EPGN: variants seen among roughly 807,000 people sequenced by gnomAD.
EPGN encodes the protein epithelial mitogen, also known as epigen.
In EPGN, 21 loss-of-function variants were observed where a neutral mutation model predicts 20.7. That is an observed-to-expected ratio of 1.01 (90% CI 0.72 to 1.46). The LOEUF (loss-of-function observed/expected upper bound fraction) is 1.46. Ranked by LOEUF, EPGN falls within the 40% of genes most tolerant of loss-of-function variation. The pLI, the probability that EPGN is intolerant of heterozygous loss-of-function variation, is 0.00. For synonymous variants in EPGN, 69 were observed against 63.8 expected (o/e 1.08, Z -0.39); for missense variants, 199 against 180.7 (o/e 1.10, Z -0.58).
intron 4 of EPGN, chr4:74,314,148 A>G: frequency 2.2e-6 from 1 of 458,082 alleles, no homozygotes; most frequent in South Asian, 1.5e-5. Context: ...GTAATAAAGT[A>G]AGGAAAGCAG....
chr4:74,313,236 C>T, intron 4 of EPGN, 66 bp downstream of exon 4: 1 of 1,532,460 alleles, frequency 6.5e-7, no homozygotes, highest in East Asian at 2.4e-5. Context: ...TATTCAGGCC[C>T]TATAATGTGT....
At chr4:74,311,466 C>A (rs1560579506) in intron 2 of EPGN, among the ~76,000 whole-genome samples, 1 of 151,600 alleles carries the variant, frequency 6.6e-6, no homozygotes, top group Non-Finnish European at 1.5e-5. Context: ...CTGTTTTTTC[C>A]CTACAAACAA....
chr4:74,312,332 T>G, intron 3 of EPGN, 27 bp downstream of exon 3: 1 of 1,597,616 alleles, frequency 6.3e-7, no homozygotes, highest in Non-Finnish European at 8.5e-7. Flanking sequence ...ATCCAAGTCC[T>G]AGAGACAGGA....
rs766155803 is a variant in EPGN, at chr4:74,312,205, A to G, written c.154A>G (p.Ile52Val). 1.6e-5 allele frequency: 25 copies of G among 1,611,296 alleles called. No individual in the cohort carries two copies. The highest frequency in any genetic ancestry group is 2.0e-5 in the Non-Finnish European group (24 of 1,178,780). ...KTEADNIEGP[I>V]ALKFSHLCLE... ...CCTAGCTGACAACATAGAAGGACCC[A>G]TAGCCTTGAAGTTCTCACACCTTTG... The change falls in exon 3 of 5, where the codon ATA becomes GTA. Residue 52 changes from isoleucine to valine, a missense_variant. Ile to Val is a conservative substitution (Grantham distance 29). Coordinates refer to ENST00000413830, the MANE Select transcript of EPGN (RefSeq NM_001270989.2).
At position 74,313,175 on chromosome 4, in the gene EPGN, GA is replaced by G; in HGVS notation, c.407+10del. 1.2e-6 allele frequency: 2 copies of G among 1,606,340 alleles called. No homozygotes were observed. The highest frequency in any genetic ancestry group is 2.2e-5 in the East Asian group (1 of 44,626). ...TTACTGCTATATAAGAAAGAGGTATGAAAAAGACAAAATATGAAGTCACTTC... is the reference window on the plus strand; with the variant it reads ...TTACTGCTATATAAGAAAGAGGTATGAAAAGACAAAATATGAAGTCACTTC... On this transcript the variant is annotated splice_donor_region_variant and intron_variant, in intron 4 of 4. Transcript: ENST00000413830.
intron 2 of EPGN, 87 bp from the exon 3 acceptor site, chr4:74,312,098 A>G (rs1371787672): frequency 7.0e-7 from 1 of 1,434,896 alleles, no homozygotes; most frequent in Non-Finnish European, 9.3e-7. Context: ...TATCCTTAAA[A>G]TTAAAAATTT....
rs1024548250 is a variant in EPGN, at chr4:74,316,431, C to G, written c.*1794C>G. Among the ~76,000 whole-genome samples, 1 of 152,076 alleles carries G rather than the reference C, an allele frequency of 6.6e-6. No individual in the cohort carries two copies. The highest frequency in any genetic ancestry group is 1.5e-5 in the Non-Finnish European group (1 of 68,004). The stretch of plus-strand genomic sequence containing the variant: ...CTTGCAATGGCAGTCCAGCAACAAG[C>G]CTTTCATTTACATTAAATTATAACT... On this transcript the variant is annotated 3_prime_UTR_variant, in exon 5 of 5. Coordinates refer to ENST00000413830, the MANE Select transcript of EPGN (RefSeq NM_001270989.2).
chr4:74,308,631 A>T (rs1750689116), intron 1 of EPGN, 55 bp downstream of exon 1: 3 of 1,478,582 alleles, frequency 2.0e-6, no homozygotes, highest in Non-Finnish European at 1.9e-6. Flanking sequence ...ATGTGAATAG[A>T]ATTTATTTTC....
intron 2 of EPGN, among the ~76,000 whole-genome samples, chr4:74,311,399 T>C (rs191686703): frequency 2.0e-4 from 31 of 152,318 alleles, no homozygotes; most frequent in African/African-American, 7.2e-4. Context: ...ATTTTGTTTG[T>C]AATCTTAACA....
intron 3 of EPGN, among the ~76,000 whole-genome samples, chr4:74,312,557 G>T (rs1751030315): frequency 6.6e-6 from 1 of 152,070 alleles, no homozygotes; most frequent in Non-Finnish European, 1.5e-5. Context: ...TAGAAATGCA[G>T]GATCTATGCT....
intron 4 of EPGN, 116 bp downstream of exon 4, chr4:74,313,286 C>A: frequency 7.0e-7 from 1 of 1,421,148 alleles, no homozygotes; most frequent in East Asian, 2.6e-5. Flanking sequence ...TAAAAAAGAG[C>A]TGTAATCTGG....
intron 1 of EPGN, 71 bp downstream of exon 1, chr4:74,308,647 A>G: frequency 7.5e-7 from 1 of 1,339,096 alleles, no homozygotes; most frequent in Non-Finnish European, 1.0e-6. Context: ...TTTTCTCTGC[A>G]TTAGAGAGAA....
intron 2 of EPGN, among the ~76,000 whole-genome samples, chr4:74,310,850 G>C (rs1351847751): frequency 6.6e-6 from 1 of 152,060 alleles, no homozygotes; most frequent in Admixed American, 6.6e-5. Context: ...GCAAATAGTT[G>C]TTATACTGCA....
intron 2 of EPGN, 57 bp from the exon 3 acceptor site, chr4:74,312,128 A>T (rs913809256): frequency 4.6e-6 from 7 of 1,538,272 alleles, no homozygotes; most frequent in Non-Finnish European, 5.2e-6. Flanking sequence ...TGTATTAAAA[A>T]TTTACCATAA....
At chr4:74,309,989 C>A (rs1750796525) in intron 2 of EPGN, among the ~76,000 whole-genome samples, 1 of 152,058 alleles carries the variant, frequency 6.6e-6, no homozygotes, top group African/African-American at 2.4e-5. Flanking sequence ...CTTCATGTCA[C>A]CAATAATTTA....
intron 4 of EPGN, chr4:74,313,527 A>C (rs1751104284): frequency 1.5e-5 from 16 of 1,098,086 alleles, no homozygotes; most frequent in African/African-American, 3.3e-5. Context: ...TATGCCTAGC[A>C]CACAACACAC....
rs769371296 is a variant in EPGN, at chr4:74,314,840, C to T, written c.*203C>T. ...TAAGGAGTGATGGAAGCCAAGTGAA[C>T]AAGCCTCAGTGACACAAGTCAAATT... On this transcript the variant is annotated 3_prime_UTR_variant, in exon 5 of 5. Transcript: ENST00000413830. The T allele has an allele frequency of 2.6e-4, 149 of 575,194 alleles. 1 individual carries two copies. The highest frequency in any genetic ancestry group is 2.9e-4 in the Non-Finnish European group (95 of 326,798). The allele number at this position is 575,194 out of a possible 1,614,324, so 35.6% of individuals were successfully genotyped here.
rs890149218 is a variant in EPGN at position 74,314,689 on chromosome 4, A to G, written c.*52A>G. ...GCATCTGTAGAGATCAGTGAGCCCA[A>G]AATTAAAGTTTTCAGATGAAACAAC... is the stretch of plus-strand genomic sequence containing the variant. On this transcript the variant is annotated 3_prime_UTR_variant, in exon 5 of 5. Transcript: ENST00000413830. 4.0e-6 allele frequency: 6 copies of G among 1,487,226 alleles called. No individual in the cohort carries two copies. The highest frequency in any genetic ancestry group is 3.6e-6 in the Non-Finnish European group (4 of 1,110,528). 92.1% of individuals were successfully genotyped at this position (1,487,226 alleles called of 1,614,324 possible). A position where few individuals can be genotyped will look rare whatever the true frequency, so the allele number is the denominator to read the frequency against.
At chr4:74,313,449 A>G in intron 4 of EPGN, 1 of 1,280,152 alleles carries the variant, frequency 7.8e-7, no homozygotes, top group Non-Finnish European at 9.8e-7. Context: ...AATGAGGAGG[A>G]CAGCAGGCCC....
Sources: gnomAD v4.1 joint callset for allele counts (sites outside exome capture counted in the v4.1 genomes callset) on GRCh38, gnomAD v4.1.1 for gene constraint, MANE v1.5 for transcripts, NCBI Gene and HGNC (gene_info 2026-07-23, HGNC 2026-07-21) for gene names.